Variants in RBFOX1 observed in about 807,000 individuals in gnomAD.
RBFOX1 encodes RNA binding protein fox-1 homolog 1.
Under a neutral mutation model 57.7 loss-of-function variants are expected in RBFOX1, and 8 were observed. The ratio of observed to expected loss-of-function variants is 0.14; its 90% CI spans 0.08 to 0.25. The LOEUF (loss-of-function observed/expected upper bound fraction) is 0.25. RBFOX1 is among the 10% of genes least tolerant of loss of function. The probability of loss-of-function intolerance (pLI) is 1.00; values close to 1 mark genes in which losing one functional copy is unlikely to be tolerated. For missense variants in RBFOX1, 611 were observed against 548.5 expected (o/e 1.11, Z -1.14); for synonymous variants, 326 against 222.4 (o/e 1.47, Z -4.15).
chr16:7,708,145 C>A (rs987915628), intron 14 of RBFOX1, among the ~76,000 whole-genome samples: 1 of 152,064 alleles, frequency 6.6e-6, no homozygotes, highest in African/African-American at 2.4e-5. Context: ...TTTGAACCAA[C>A]CTGAGTAACA....
chr16:5,607,165 C>G (rs1172646840), intron 3 of RBFOX1, among the ~76,000 whole-genome samples: 2 of 152,190 alleles, frequency 1.3e-5, no homozygotes, highest in African/African-American at 4.8e-5. Context: ...CGCTCTACTT[C>G]TCACTGCTAA....
At chr16:5,963,049 T>C (rs2059780788) in intron 4 of RBFOX1, among the ~76,000 whole-genome samples, 2 of 152,192 alleles carry the variant, frequency 1.3e-5, no homozygotes, top group African/African-American at 2.4e-5. Flanking sequence ...TTGTATTATG[T>C]ATCCTGATCG....
chr16:6,166,574 A>G (rs951621623), intron 1 of RBFOX1, among the ~76,000 whole-genome samples: 1 of 151,636 alleles, frequency 6.6e-6, no homozygotes, highest in African/African-American at 2.4e-5. Context: ...GTGACCTGAG[A>G]CTCCAAACCT....
At chr16:6,701,818 G>A (rs1420160383) in intron 3 of RBFOX1, among the ~76,000 whole-genome samples, 1 of 152,134 alleles carries the variant, frequency 6.6e-6, no homozygotes, top group African/African-American at 2.4e-5. Context: ...GATGGAACTG[G>A]AGTCCAGTAT....
intron 4 of RBFOX1, among the ~76,000 whole-genome samples, chr16:5,881,395 G>A (rs1597619725): frequency 6.6e-6 from 1 of 152,222 alleles, no homozygotes; most frequent in Middle Eastern, 3.4e-3. Flanking sequence ...AAGAGTATTA[G>A]GGGTCTGGGT....
intron 2 of RBFOX1, among the ~76,000 whole-genome samples, chr16:6,624,136 T>C (rs1286422853): frequency 1.3e-5 from 2 of 152,102 alleles, no homozygotes; most frequent in African/African-American, 4.8e-5. Context: ...AAAAACAAAA[T>C]ATAAGTATGC....
chr16:7,369,974 C>G (rs1177270914), intron 4 of RBFOX1, among the ~76,000 whole-genome samples: 2 of 152,142 alleles, frequency 1.3e-5, no homozygotes, highest in Non-Finnish European at 2.9e-5. Flanking sequence ...GTGTCAGAGC[C>G]TTGAGCTAGG....
intron 4 of RBFOX1, among the ~76,000 whole-genome samples, chr16:7,455,928 A>G (rs1274088288): frequency 6.6e-6 from 1 of 152,058 alleles, no homozygotes; most frequent in Non-Finnish European, 1.5e-5. Context: ...CACCCCTATT[A>G]GGTAAATATT....
At chr16:6,793,335 T>G (rs2083330734) in intron 3 of RBFOX1, among the ~76,000 whole-genome samples, 1 of 152,156 alleles carries the variant, frequency 6.6e-6, no homozygotes, top group Non-Finnish European at 1.5e-5. Flanking sequence ...GAAGTTGAGT[T>G]TTTTTTCCAA....
At chr16:5,904,078 C>A (rs1360093013) in intron 4 of RBFOX1, among the ~76,000 whole-genome samples, 1 of 152,148 alleles carries the variant, frequency 6.6e-6, no homozygotes. Flanking sequence ...ATGTTCCCTG[C>A]TCCCCTGTGT....
chr16:6,236,866 G>C (rs371371448), intron 1 of RBFOX1, among the ~76,000 whole-genome samples: 2 of 152,120 alleles, frequency 1.3e-5, no homozygotes, highest in Non-Finnish European at 2.9e-5. Flanking sequence ...GTGTAAGTGA[G>C]GAAATAGAGG....
intron 1 of RBFOX1, among the ~76,000 whole-genome samples, chr16:6,221,388 G>C (rs1049915356): frequency 6.6e-6 from 1 of 152,070 alleles, no homozygotes; most frequent in Non-Finnish European, 1.5e-5. Context: ...TCCTAATAGA[G>C]GCCTGCCTTG....
At chr16:5,539,044 T>A (rs2044821642) in intron 2 of RBFOX1, among the ~76,000 whole-genome samples, 1 of 152,092 alleles carries the variant, frequency 6.6e-6, no homozygotes, top group Non-Finnish European at 1.5e-5. Context: ...GGGAGATGTA[T>A]GTTGATTTTT....
chr16:7,409,284 G>T (rs1464074800), intron 4 of RBFOX1, among the ~76,000 whole-genome samples: 1 of 152,226 alleles, frequency 6.6e-6, no homozygotes, highest in Non-Finnish European at 1.5e-5. Flanking sequence ...CGATCTGCCT[G>T]TAGCTTTGTT....
At chr16:5,963,302 A>G (rs995184488) in intron 4 of RBFOX1, among the ~76,000 whole-genome samples, 5 of 152,176 alleles carry the variant, frequency 3.3e-5, no homozygotes, top group Non-Finnish European at 7.3e-5. Context: ...GTCCAAGGTG[A>G]TAGAGCAGTT....
intron 4 of RBFOX1, among the ~76,000 whole-genome samples, chr16:7,062,708 A>G (rs1279511530): frequency 7.9e-5 from 12 of 152,240 alleles, no homozygotes; most frequent in Admixed American, 4.6e-4. Flanking sequence ...AATATGGTGA[A>G]GAAAACAAGC....
intron 3 of RBFOX1, among the ~76,000 whole-genome samples, chr16:6,803,697 C>G (rs572359032): frequency 1.3e-5 from 2 of 152,248 alleles, no homozygotes; most frequent in East Asian, 3.9e-4. Flanking sequence ...TTTTACCAGA[C>G]AGAGAATAGA....
intron 1 of RBFOX1, among the ~76,000 whole-genome samples, chr16:6,196,111 A>G (rs976940803): frequency 2.0e-5 from 3 of 152,228 alleles, no homozygotes; most frequent in African/African-American, 7.2e-5. Flanking sequence ...CTTTGCATTC[A>G]TTCTCACTTA....
chr16:5,984,920 T>C (rs2060249946), intron 4 of RBFOX1, among the ~76,000 whole-genome samples: 1 of 139,368 alleles, frequency 7.2e-6, no homozygotes, highest in Admixed American at 7.3e-5. Context: ...AGAATAAAAA[T>C]GGTACACCTG....
Sources: gnomAD v4.1 joint callset for allele counts (sites outside exome capture counted in the v4.1 genomes callset) on GRCh38, gnomAD v4.1.1 for gene constraint, MANE v1.5 for transcripts, NCBI Gene and HGNC (gene_info 2026-07-23, HGNC 2026-07-21) for gene names.